The following ST8SIA4 variants were observed in gnomAD, a reference collection of about 807,000 sequenced individuals.
ST8SIA4 encodes CMP-N-acetylneuraminate-poly-alpha-2,8-sialyltransferase.
A neutral mutation model predicts 33.9 loss-of-function variants in ST8SIA4; 15 were observed. The observed-to-expected ratio is 0.44, with a 90% CI of 0.30 to 0.68. ST8SIA4 has a LOEUF of 0.68. ST8SIA4 is among the 30% of genes least tolerant of loss of function. The pLI is 0.10. For synonymous variants in ST8SIA4, 171 were observed against 151.2 expected, an observed-to-expected ratio of 1.13 and a Z score of -0.96; for missense variants, 321 against 428.0, an observed-to-expected ratio of 0.75 and a Z score of 2.21.
chr5:100,812,185 T>C (rs1031451043), intron 4 of ST8SIA4, 56 bp from the exon 5 acceptor site: 3 of 1,476,902 alleles, frequency 2.0e-6, no homozygotes, highest in Non-Finnish European at 2.8e-6. Context: ...ACATAGAGCA[T>C]ATCCTATAGC....
At chr5:100,839,845 C>CT (rs1751437009) in intron 4 of ST8SIA4, among the ~76,000 whole-genome samples, 2 of 151,806 alleles carry the variant, frequency 1.3e-5, no homozygotes, top group Admixed American at 6.6e-5. Context: ...ATCAGCAACT[C>CT]TAACTGTGCC....
intron 3 of ST8SIA4, among the ~76,000 whole-genome samples, chr5:100,866,913 A>T (rs914650436): frequency 6.6e-6 from 1 of 152,100 alleles, no homozygotes; most frequent in Non-Finnish European, 1.5e-5. Flanking sequence ...ATTGTTAGGA[A>T]CTTGCTGTTA....
intron 3 of ST8SIA4, among the ~76,000 whole-genome samples, chr5:100,876,401 T>C (rs1561402822): frequency 6.6e-6 from 1 of 152,118 alleles, no homozygotes; most frequent in South Asian, 2.1e-4. Context: ...CATCAATGCC[T>C]AACCAAATTT....
chr5:100,857,163 C>T (rs975369285), intron 3 of ST8SIA4, among the ~76,000 whole-genome samples: 3 of 151,798 alleles, frequency 2.0e-5, no homozygotes, highest in Admixed American at 6.6e-5. Context: ...CAGAATATGC[C>T]GTACTGTTTT....
At chr5:100,840,210 T>G (rs1231084781) in intron 4 of ST8SIA4, among the ~76,000 whole-genome samples, 1 of 151,818 alleles carries the variant, frequency 6.6e-6, no homozygotes, top group African/African-American at 2.4e-5. Flanking sequence ...CCTTTTATTT[T>G]AACATTTTAG....
intron 4 of ST8SIA4, among the ~76,000 whole-genome samples, chr5:100,815,445 C>T (rs1394319702): frequency 2.7e-5 from 4 of 150,262 alleles, no homozygotes; most frequent in Non-Finnish European, 4.4e-5. Context: ...TCCTTCCTTC[C>T]CTCCTTTCTT....
intron 2 of ST8SIA4, among the ~76,000 whole-genome samples, chr5:100,895,136 A>G (rs1167020938): frequency 1.3e-5 from 2 of 152,034 alleles, no homozygotes; most frequent in African/African-American, 2.4e-5. Flanking sequence ...TCTTACAAAG[A>G]AGAAGTCAGT....
chr5:100,830,114 T>C (rs1057367262), intron 4 of ST8SIA4, among the ~76,000 whole-genome samples: 1 of 152,256 alleles, frequency 6.6e-6, no homozygotes, highest in African/African-American at 2.4e-5. Context: ...AATACTTATG[T>C]GGCTCGCTCT....
At chr5:100,873,836 A>C (rs150002979) in intron 3 of ST8SIA4, among the ~76,000 whole-genome samples, 5 of 152,300 alleles carry the variant, frequency 3.3e-5, no homozygotes, top group African/African-American at 1.2e-4. Flanking sequence ...TTTTATTGAA[A>C]ACCACTGTTG....
intron 3 of ST8SIA4, among the ~76,000 whole-genome samples, chr5:100,864,574 C>CAAAA (rs201029430): frequency 5.8e-5 from 4 of 69,382 alleles, no homozygotes; most frequent in East Asian, 5.4e-4. Context: ...GACTCCGGCT[C>CAAAA]AAAAAAAAAA....
chr5:100,870,404 A>C (rs1306141648), intron 3 of ST8SIA4, among the ~76,000 whole-genome samples: 1 of 152,116 alleles, frequency 6.6e-6, no homozygotes, highest in African/African-American at 2.4e-5. Flanking sequence ...GATTTAATTT[A>C]ATTTGTAAGG....
At chr5:100,876,149 A>G (rs114324170) in intron 3 of ST8SIA4, among the ~76,000 whole-genome samples, 3,264 of 152,226 alleles carry the variant, frequency 0.021, 59 homozygotes, top group Non-Finnish European at 0.034. Flanking sequence ...AAATTATCCC[A>G]GAGATGAAAA....
At chr5:100,893,792 T>G (rs1322000825) in intron 2 of ST8SIA4, among the ~76,000 whole-genome samples, 2 of 152,138 alleles carry the variant, frequency 1.3e-5, no homozygotes, top group African/African-American at 4.8e-5. Context: ...TACAACATTT[T>G]ATTTTACTTT....
intron 2 of ST8SIA4, chr5:100,890,915 T>G (rs1177558932): frequency 2.0e-5 from 3 of 151,684 alleles, no homozygotes; most frequent in Non-Finnish European, 4.4e-5. Context: ...ACAAGTAGAG[T>G]TCTACCCAGA....
intron 3 of ST8SIA4, among the ~76,000 whole-genome samples, chr5:100,864,190 G>C (rs1752009710): frequency 1.3e-5 from 2 of 152,152 alleles, no homozygotes; most frequent in Non-Finnish European, 2.9e-5. Context: ...AATTCTAACA[G>C]CATCTGGTTG....
chr5:100,891,183 C>A (rs139602373), intron 2 of ST8SIA4, among the ~76,000 whole-genome samples: 1 of 151,474 alleles, frequency 6.6e-6, no homozygotes, highest in African/African-American at 2.4e-5. Context: ...TACTGTGTGA[C>A]GAATCTTATA....
At chr5:100,822,946 A>C (rs987094254) in intron 4 of ST8SIA4, among the ~76,000 whole-genome samples, 1 of 152,098 alleles carries the variant, frequency 6.6e-6, no homozygotes, top group African/African-American at 2.4e-5. Context: ...CCTGGCTAAC[A>C]CGGTGAAACC....
intron 4 of ST8SIA4, among the ~76,000 whole-genome samples, chr5:100,855,741 T>C (rs1294722147): frequency 6.6e-6 from 1 of 152,226 alleles, no homozygotes; most frequent in Non-Finnish European, 1.5e-5. Flanking sequence ...CATTTATGCT[T>C]ACACAATATT....
intron 1 of ST8SIA4, among the ~76,000 whole-genome samples, chr5:100,899,991 G>T (rs562054200): frequency 6.6e-6 from 1 of 152,206 alleles, no homozygotes; most frequent in Admixed American, 6.5e-5. Flanking sequence ...AAAACATGTC[G>T]CAGGTATTCC....
Sources: allele counts gnomAD v4.1 joint callset (sites outside exome capture counted in the v4.1 genomes callset), GRCh38; gene constraint gnomAD v4.1.1; transcripts MANE v1.5; gene names NCBI Gene and HGNC (gene_info 2026-07-23, HGNC 2026-07-21).